The following SUPT3H variants were observed in gnomAD, a reference collection of about 807,000 sequenced individuals.
SUPT3H encodes the protein transcription initiation protein SPT3 homolog.
Under a neutral mutation model 44.3 loss-of-function variants are expected in SUPT3H, and 44 were observed. The observed-to-expected ratio is 0.99, with a 90% CI of 0.78 to 1.28. The LOEUF is 1.28. Ranked by LOEUF, SUPT3H falls within the 50% of genes most tolerant of loss-of-function variation. SUPT3H has a pLI of 0.00. For missense variants in SUPT3H, 380 were observed against 387.1 expected (o/e 0.98, Z 0.15); for synonymous variants, 124 against 125.6 (o/e 0.99, Z 0.09).
intron 2 of SUPT3H, among the ~76,000 whole-genome samples, chr6:45,359,683 C>G (rs1354590852): frequency 6.6e-6 from 1 of 152,072 alleles, no homozygotes; most frequent in Non-Finnish European, 1.5e-5. Context: ...CTTTTGGTTA[C>G]TGATATGCCC....
intron 9 of SUPT3H, among the ~76,000 whole-genome samples, chr6:44,936,447 A>G (rs915966815): frequency 2.6e-5 from 4 of 152,126 alleles, no homozygotes; most frequent in African/African-American, 9.7e-5. Flanking sequence ...TTTCTTGAGT[A>G]ACATAGTTAC....
intron 2 of SUPT3H, among the ~76,000 whole-genome samples, chr6:45,316,997 T>C (rs551821292): frequency 1.3e-5 from 2 of 151,846 alleles, no homozygotes; most frequent in South Asian, 4.2e-4. Flanking sequence ...GAGGCCAAGG[T>C]GGGCGGATCA....
At chr6:44,949,856 C>A (rs1258765932) in intron 9 of SUPT3H, among the ~76,000 whole-genome samples, 1 of 152,162 alleles carries the variant, frequency 6.6e-6, no homozygotes, top group Admixed American at 6.5e-5. Flanking sequence ...AATGGTACAA[C>A]CTGTTTGGAA....
intron 10 of SUPT3H, among the ~76,000 whole-genome samples, chr6:44,889,827 C>T (rs997200131): frequency 1.3e-5 from 2 of 151,986 alleles, no homozygotes; most frequent in African/African-American, 4.8e-5. Context: ...GAACAGGCAA[C>T]CTACAAAATG....
chr6:44,981,032 T>C (rs1380803830), intron 6 of SUPT3H, among the ~76,000 whole-genome samples: 1 of 152,210 alleles, frequency 6.6e-6, no homozygotes, highest in African/African-American at 2.4e-5. Context: ...TTCACTCCAA[T>C]GCCTACTTAA....
chr6:44,823,294 G>A (rs1191211554), downstream of SUPT3H, among the ~76,000 whole-genome samples: 1 of 152,084 alleles, frequency 6.6e-6, no homozygotes, highest in Non-Finnish European at 1.5e-5. Context: ...AACAACAAGG[G>A]CTTAGAGTTC....
intron 3 of SUPT3H, among the ~76,000 whole-genome samples, chr6:45,096,799 A>C (rs1472599774): frequency 6.6e-6 from 1 of 152,116 alleles, no homozygotes; most frequent in Non-Finnish European, 1.5e-5. Context: ...GTATTGACTA[A>C]GGGAGGTTTT....
At chr6:45,191,102 T>C (rs1350688941) in intron 2 of SUPT3H, among the ~76,000 whole-genome samples, 1 of 152,148 alleles carries the variant, frequency 6.6e-6, no homozygotes, top group Non-Finnish European at 1.5e-5. Context: ...TATGTCCACA[T>C]ATAAACCTAC....
chr6:45,260,603 C>T (rs1399092812), intron 2 of SUPT3H, among the ~76,000 whole-genome samples: 6 of 152,052 alleles, frequency 3.9e-5, no homozygotes, highest in Non-Finnish European at 5.9e-5. Context: ...TTAATCTCTA[C>T]ATTTTAACAA....
At chr6:45,227,807 T>C (rs1767214010) in intron 2 of SUPT3H, among the ~76,000 whole-genome samples, 1 of 152,194 alleles carries the variant, frequency 6.6e-6, no homozygotes, top group Admixed American at 6.5e-5. Flanking sequence ...TTTAACATTG[T>C]GTCTGGCCTG....
intron 10 of SUPT3H, among the ~76,000 whole-genome samples, chr6:44,856,981 T>C (rs888827822): frequency 2.0e-5 from 3 of 152,184 alleles, no homozygotes; most frequent in Admixed American, 1.3e-4. Context: ...TATGTTATTA[T>C]ATGGGGGAAA....
intron 10 of SUPT3H, among the ~76,000 whole-genome samples, chr6:44,854,847 C>G (rs1331238587): frequency 6.6e-6 from 1 of 152,166 alleles, no homozygotes; most frequent in African/African-American, 2.4e-5. Flanking sequence ...AAGATGACAG[C>G]TATCTTCAAA....
chr6:45,047,388 C>G (rs1789566712), intron 3 of SUPT3H, among the ~76,000 whole-genome samples: 1 of 151,918 alleles, frequency 6.6e-6, no homozygotes, highest in African/African-American at 2.4e-5. Context: ...GAGCACTGAA[C>G]AAATAAGTAA....
intron 9 of SUPT3H, among the ~76,000 whole-genome samples, chr6:44,943,309 T>C (rs1167270186): frequency 1.3e-5 from 2 of 152,024 alleles, no homozygotes; most frequent in Non-Finnish European, 2.9e-5. Flanking sequence ...AAAAGTTCAA[T>C]AGAATTGCTC....
intron 9 of SUPT3H, among the ~76,000 whole-genome samples, chr6:44,949,725 C>T (rs969113586): frequency 6.6e-6 from 1 of 151,830 alleles, no homozygotes; most frequent in Non-Finnish European, 1.5e-5. Context: ...CAGAGAAATA[C>T]ACACTTAAAC....
At chr6:45,018,359 C>T (rs1784617893) in intron 4 of SUPT3H, among the ~76,000 whole-genome samples, 1 of 150,778 alleles carries the variant, frequency 6.6e-6, no homozygotes, top group Non-Finnish European at 1.5e-5. Flanking sequence ...GCCTAATTGC[C>T]CTGGCCAGAA....
At chr6:44,839,961 A>G (rs1049990388) in intron 10 of SUPT3H, among the ~76,000 whole-genome samples, 2 of 152,238 alleles carry the variant, frequency 1.3e-5, no homozygotes, top group African/African-American at 4.8e-5. Context: ...TGGCCTCCCA[A>G]AGTGCTGGGA....
At chr6:45,247,384 G>C (rs1380187271) in intron 2 of SUPT3H, among the ~76,000 whole-genome samples, 1 of 152,108 alleles carries the variant, frequency 6.6e-6, no homozygotes, top group East Asian at 1.9e-4. Flanking sequence ...ACAAAACCCT[G>C]ACATACCAGC....
chr6:45,281,040 T>C (rs550554594), intron 2 of SUPT3H, among the ~76,000 whole-genome samples: 7 of 152,240 alleles, frequency 4.6e-5, no homozygotes, highest in Non-Finnish European at 8.8e-5. Flanking sequence ...TTAACTGAGA[T>C]AGCTCATTTC....
Sources: gnomAD v4.1 joint callset for allele counts (sites outside exome capture counted in the v4.1 genomes callset) on GRCh38, gnomAD v4.1.1 for gene constraint, MANE v1.5 for transcripts, NCBI Gene and HGNC (gene_info 2026-07-23, HGNC 2026-07-21) for gene names.